HDAC4: variants seen among roughly 807,000 people sequenced by gnomAD.
HDAC4 encodes the protein histone deacetylase A.
Under a neutral mutation model 135.1 loss-of-function variants are expected in HDAC4, and 16 were observed. The observed-to-expected ratio is 0.12, with a 90% CI of 0.08 to 0.18. The LOEUF (loss-of-function observed/expected upper bound fraction) is 0.18. Ranked by LOEUF, HDAC4 falls within the 10% of genes least tolerant of loss-of-function variation. The pLI is 1.00. For synonymous variants in HDAC4, 685 were observed against 653.4 expected (o/e 1.05, Z -0.74); for missense variants, 1,143 against 1,511.8 (o/e 0.76, Z 4.05).
intron 2 of HDAC4, among the ~76,000 whole-genome samples, chr2:239,310,089 G>GAATC (rs1414514452): frequency 6.6e-6 from 1 of 152,262 alleles, no homozygotes; most frequent in Non-Finnish European, 1.5e-5. Flanking sequence ...GAGGTGCTCA[G>GAATC]AATCAAACCA....
chr2:239,073,573 A>T (rs61271839), intron 22 of HDAC4, among the ~76,000 whole-genome samples: 5,298 of 152,256 alleles, frequency 0.035, 321 homozygotes, highest in African/African-American at 0.12. Flanking sequence ...AGTTGCCCAA[A>T]CCTCTGCTCT....
At chr2:239,162,309 T>C (rs1253634311) in intron 6 of HDAC4, 1 of 456,296 alleles carries the variant, frequency 2.2e-6, no homozygotes, top group East Asian at 7.0e-5. Context: ...GCACTCCAGC[T>C]CTCCATCCTC....
intron 1 of HDAC4, among the ~76,000 whole-genome samples, chr2:239,365,559 A>G (rs1165901834): frequency 6.6e-6 from 1 of 151,710 alleles, no homozygotes; most frequent in African/African-American, 2.4e-5. Flanking sequence ...AGGTCTTCAG[A>G]GCCATGCATG....
rs1354796347 is a variant in HDAC4 at position 239,087,563 on chromosome 2, G to A, written c.2440C>T (p.Pro814Ser). The A allele has an allele frequency of 6.2e-7, 1 of 1,613,414 alleles. No individual in the cohort carries two copies. The highest frequency in any genetic ancestry group is 1.3e-5 in the African/African-American group (1 of 74,944). The change falls in exon 19 of 27, where the codon CCC becomes TCC. Residue 814 changes from proline (P) to serine (S), a missense_variant. Around this residue, in one of 9 missense-constraint regions of HDAC4, gnomAD observed 189 missense variants for 317.6 expected, o/e 0.60. Transcript: ENST00000543185. ...PPGHHAEEST[P>S]MGFCYFNSVA... Reference sequence around the variant, plus strand: ...GGGGCTGCGGCGTGTACTCACATGGGCGTGCTCTCCTCCGCATGGTGTCCA... The same window carrying A: ...GGGGCTGCGGCGTGTACTCACATGGACGTGCTCTCCTCCGCATGGTGTCCA...
chr2:239,385,828 C>A (rs1436705423), intron 1 of HDAC4, among the ~76,000 whole-genome samples: 4 of 152,170 alleles, frequency 2.6e-5, no homozygotes, highest in Non-Finnish European at 5.9e-5. Context: ...ACCCTTCCTG[C>A]CGGTACAGAA....
At chr2:239,228,389 GGCAGGAGGGAGCTGT>G (rs2047362478) in intron 3 of HDAC4, among the ~76,000 whole-genome samples, 1 of 118,846 alleles carries the variant, frequency 8.4e-6, no homozygotes, top group Non-Finnish European at 1.8e-5. Context: ...GGAACGGGAT[GGCAGGAGGGAGCTGT>G]CACTGTGAGA....
Position 239,309,748 on chromosome 2 carries a change from A to G in HDAC4, c.22+42930T>C, listed in dbSNP as rs572482985. The stretch of plus-strand genomic sequence containing the variant: ...AAGGGAGGCAATCCCCCCACACACC[A>G]TCCCCTTCCCCTTCGCTCATCTGGG... On this transcript the variant is annotated intron_variant, in intron 2 of 26. Coordinates refer to ENST00000543185, the MANE Select transcript of HDAC4 (RefSeq NM_001378414.1). The surrounding 1 kb of genome is among the most constrained non-coding windows in gnomAD (Gnocchi z 4.2). Among the ~76,000 whole-genome samples the G allele has an allele frequency of 2.6e-5, 4 of 152,290 alleles. No homozygotes were observed. The highest frequency in any genetic ancestry group is 9.6e-5 in the African/African-American group (4 of 41,582).
At chr2:239,168,502 A>C (rs2043247546) in intron 5 of HDAC4, among the ~76,000 whole-genome samples, 1 of 152,206 alleles carries the variant, frequency 6.6e-6, no homozygotes, top group Admixed American at 6.5e-5. Flanking sequence ...TTAAAATTAA[A>C]AGTAATGTAA....
At chr2:239,177,062 C>T (rs1366806531) in intron 4 of HDAC4, among the ~76,000 whole-genome samples, 1 of 152,180 alleles carries the variant, frequency 6.6e-6, no homozygotes, top group Non-Finnish European at 1.5e-5. Flanking sequence ...ACAGACCAGC[C>T]TTGATGCAAC....
intron 24 of HDAC4, among the ~76,000 whole-genome samples, chr2:239,060,280 ATG>A (rs1559351357): frequency 6.6e-6 from 1 of 152,186 alleles, no homozygotes; most frequent in Non-Finnish European, 1.5e-5. Flanking sequence ...GCTGCACAGA[ATG>A]TGTGTGTGGG....
At chr2:239,147,134 G>A (rs2041819460) in intron 7 of HDAC4, among the ~76,000 whole-genome samples, 1 of 152,232 alleles carries the variant, frequency 6.6e-6, no homozygotes, top group Non-Finnish European at 1.5e-5. Flanking sequence ...AGGGGATTGA[G>A]CAGCAGCACG....
At chr2:239,259,338 A>G (rs988641929) in intron 2 of HDAC4, among the ~76,000 whole-genome samples, 7 of 152,102 alleles carry the variant, frequency 4.6e-5, no homozygotes, top group African/African-American at 1.7e-4. Context: ...ACAGCTACTC[A>G]GGTGGCTGAG....
chr2:239,290,221 A>G (rs1478518948), intron 2 of HDAC4, among the ~76,000 whole-genome samples: 1 of 152,206 alleles, frequency 6.6e-6, no homozygotes, highest in Non-Finnish European at 1.5e-5. Context: ...AACATTTTCC[A>G]TGTTATCAGA....
intron 2 of HDAC4, among the ~76,000 whole-genome samples, chr2:239,321,724 G>A (rs1316507975): frequency 6.6e-6 from 1 of 151,972 alleles, no homozygotes; most frequent in Non-Finnish European, 1.5e-5. Flanking sequence ...ATAGTTACTT[G>A]CTCTGGCCCA....
intron 3 of HDAC4, among the ~76,000 whole-genome samples, chr2:239,224,029 G>T (rs2047111150): frequency 6.6e-6 from 1 of 151,994 alleles, no homozygotes; most frequent in Non-Finnish European, 1.5e-5. Flanking sequence ...GTTCCAAACT[G>T]GGTGCCTTTG....
intron 3 of HDAC4, among the ~76,000 whole-genome samples, chr2:239,225,859 G>A (rs531799276): frequency 2.0e-5 from 3 of 152,342 alleles, no homozygotes; most frequent in South Asian, 2.1e-4. Context: ...TCTGCATCAC[G>A]TGTGACAGTG....
At chr2:239,144,473 A>G in intron 8 of HDAC4, 110 bp downstream of exon 8, 1 of 1,396,134 alleles carries the variant, frequency 7.2e-7, no homozygotes, top group South Asian at 1.2e-5. Context: ...GGGGGTTGAC[A>G]GCGTGAGGCA....
At chr2:239,343,702 GGCCAGGGAGCTCACACAAGCA>G (rs1692442164) in intron 2 of HDAC4, among the ~76,000 whole-genome samples, 1 of 152,168 alleles carries the variant, frequency 6.6e-6, no homozygotes, top group Non-Finnish European at 1.5e-5. Context: ...TGCCTGCCCT[GGCCAGGGAGCTCACACAAGCA>G]GACAGGCTCA....
intron 2 of HDAC4, among the ~76,000 whole-genome samples, chr2:239,280,919 CCA>C (rs2050682291): frequency 6.6e-6 from 1 of 150,692 alleles, no homozygotes; most frequent in Admixed American, 6.6e-5. Flanking sequence ...AATGTACACA[CCA>C]CTCTCCACAC....
Sources: allele counts gnomAD v4.1 joint callset (sites outside exome capture counted in the v4.1 genomes callset), GRCh38; gene constraint gnomAD v4.1.1; regional missense constraint gnomAD v4.1.1; non-coding constraint Gnocchi (gnomAD v3.1); transcripts MANE v1.5; gene names NCBI Gene and HGNC (gene_info 2026-07-23, HGNC 2026-07-21).